ADAMTS17: variants seen among roughly 807,000 people sequenced by gnomAD.
ADAMTS17 encodes the protein A disintegrin and metalloproteinase with thrombospondin motifs 17.
In ADAMTS17, 113 loss-of-function variants were observed where a neutral mutation model predicts 141.5. The ratio of observed to expected loss-of-function variants is 0.80; its 90% confidence interval spans 0.69 to 0.93. The LOEUF (loss-of-function observed/expected upper bound fraction) is 0.93, where lower values mean the gene tolerates loss of function less well. ADAMTS17 is among the 40% of genes least tolerant of loss of function. The pLI is 0.00. For synonymous variants in ADAMTS17, 768 were observed against 630.6 expected, an observed-to-expected ratio of 1.22 and a Z score of -3.27; for missense variants, 1,659 against 1,517.9, an observed-to-expected ratio of 1.09 and a Z score of -1.54.
intron 18 of ADAMTS17, among the ~76,000 whole-genome samples, chr15:100,001,572 G>A (rs1328873328): frequency 2.0e-5 from 3 of 152,130 alleles, no homozygotes; most frequent in Non-Finnish European, 2.9e-5. Flanking sequence ...GGTAACGAAT[G>A]TAGCACTCTG....
rs76477914 is a variant in ADAMTS17, at chr15:100,229,123, A to G, written c.1075+25013T>C. 6.0e-4 allele frequency among the ~76,000 whole-genome samples: 91 copies of G among 152,238 alleles called. 2 individuals carry two copies. The East Asian group carries it at 0.017, about 29-fold the overall frequency. On this transcript the variant is annotated intron_variant, in intron 7 of 21. Coordinates refer to ENST00000268070, the MANE Select transcript of ADAMTS17 (RefSeq NM_139057.4). ...TGGGAGGGGAAGATGGTTCTTATGG[A>G]GTATCCCTGAAGACCCCAACAGAGT...
intron 3 of ADAMTS17, among the ~76,000 whole-genome samples, chr15:100,324,318 A>T (rs2141922322): frequency 6.6e-6 from 1 of 152,310 alleles, no homozygotes; most frequent in East Asian, 1.9e-4. Context: ...TAAATAAATA[A>T]ATAGAAAAAA....
At chr15:100,131,920 A>T (rs1311446689) in intron 12 of ADAMTS17, 87 bp downstream of exon 12, 11 of 1,596,990 alleles carry the variant, frequency 6.9e-6, no homozygotes, top group Non-Finnish European at 9.4e-6. Flanking sequence ...AGCGGGAGAC[A>T]GACCCTGCTT....
chr15:100,136,576 G>A (rs2038344841), intron 10 of ADAMTS17, among the ~76,000 whole-genome samples: 2 of 152,212 alleles, frequency 1.3e-5, no homozygotes, highest in African/African-American at 4.8e-5. Context: ...CCTCATGGCA[G>A]CCCTGGGAGG....
chr15:100,247,607 T>C (rs1411503246), intron 7 of ADAMTS17, among the ~76,000 whole-genome samples: 1 of 152,184 alleles, frequency 6.6e-6, no homozygotes, highest in Non-Finnish European at 1.5e-5. Context: ...CCCGTTTTCA[T>C]ATGTTTGTGT....
chr15:100,108,823 G>C (rs1290331651), intron 14 of ADAMTS17, among the ~76,000 whole-genome samples, 166 bp downstream of exon 14: 2 of 152,162 alleles, frequency 1.3e-5, no homozygotes, highest in African/African-American at 4.8e-5. Context: ...GCTAGGGTTG[G>C]TGCACCAGGC....
chr15:100,326,171 G>C (rs1340777359), intron 3 of ADAMTS17, among the ~76,000 whole-genome samples: 1 of 152,054 alleles, frequency 6.6e-6, no homozygotes, highest in East Asian at 1.9e-4. Flanking sequence ...TTAAACTATT[G>C]ATGTCTACTT....
At chr15:100,062,898 C>A (rs919928925) in intron 15 of ADAMTS17, among the ~76,000 whole-genome samples, 2 of 152,144 alleles carry the variant, frequency 1.3e-5, no homozygotes, top group African/African-American at 2.4e-5. Context: ...ATGTTCCAAG[C>A]CAGGAAGGTA....
At chr15:99,980,342 A>G (rs1006672762) in intron 20 of ADAMTS17, 1 of 152,224 alleles carries the variant, frequency 6.6e-6, no homozygotes, top group African/African-American at 2.4e-5. Context: ...AACTAAAAAC[A>G]GAGAGATACA....
intron 10 of ADAMTS17, among the ~76,000 whole-genome samples, chr15:100,140,892 A>C (rs1171633723): frequency 6.6e-6 from 1 of 152,034 alleles, no homozygotes; most frequent in African/African-American, 2.4e-5. Context: ...TTCTCCCTGG[A>C]AACACTGCTG....
At chr15:100,307,964 C>A (rs2045281094) in intron 3 of ADAMTS17, among the ~76,000 whole-genome samples, 1 of 152,246 alleles carries the variant, frequency 6.6e-6, no homozygotes, top group Non-Finnish European at 1.5e-5. Context: ...CAAAATTCAA[C>A]CTACGAGTAC....
intron 5 of ADAMTS17, 100 bp from the exon 6 acceptor site, chr15:100,261,736 C>T: frequency 7.4e-7 from 1 of 1,349,268 alleles, no homozygotes; most frequent in Non-Finnish European, 1.0e-6. Flanking sequence ...CAGTCACTCA[C>T]TGAGACATCA....
chr15:100,281,115 C>T, intron 4 of ADAMTS17, 114 bp downstream of exon 4: 4 of 1,448,788 alleles, frequency 2.8e-6, no homozygotes, highest in Non-Finnish European at 1.9e-6. Flanking sequence ...GTTCCCGTAT[C>T]CCCAACCCAG....
intron 3 of ADAMTS17, among the ~76,000 whole-genome samples, chr15:100,324,147 G>A (rs1475073661): frequency 6.6e-6 from 1 of 151,972 alleles, no homozygotes; most frequent in Non-Finnish European, 1.5e-5. Flanking sequence ...TCTACTAAAA[G>A]TACAGAAATC....
In ADAMTS17 at chr15:99,973,963, C is replaced by G; in HGVS notation, c.*439G>C. The G allele has an allele frequency of 3.9e-6, 1 of 257,030 alleles. No individual in the cohort carries two copies. The highest frequency in any genetic ancestry group is 5.4e-5 in the Admixed American group (1 of 18,398). The allele number at this position is 257,030 out of a possible 1,614,324, so 15.9% of individuals were successfully genotyped here. A position where few individuals can be genotyped will look rare whatever the true frequency, so the allele number is the denominator to read the frequency against. On this transcript the variant is annotated 3_prime_UTR_variant, in exon 22 of 22. Transcript: ENST00000268070. ...GGGCAGAGGCTCACCAACACCTGCC[C>G]CTCCCTCCATGGTGTCGCCGGCTTT... is the stretch of plus-strand genomic sequence containing the variant.
At chr15:100,335,701 T>A (rs903562979) in intron 2 of ADAMTS17, among the ~76,000 whole-genome samples, 1 of 152,262 alleles carries the variant, frequency 6.6e-6, no homozygotes, top group African/African-American at 2.4e-5. Flanking sequence ...TGCCTTAATG[T>A]GCCAGGCTCT....
Position 100,193,852 on chromosome 15 carries a change from C to T in ADAMTS17, c.1181+5466G>A, listed in dbSNP as rs559585885. Among the ~76,000 whole-genome samples the T allele has an allele frequency of 5.3e-5, 8 of 152,238 alleles. No individual in the cohort carries two copies. The South Asian group carries it at 6.2e-4, about 12-fold the overall frequency. ...GGGTGCAGGGACGGCAGGGGAAACC[C>T]GAGGAGGGGCAGGTCTGGAGAAGCT... On this transcript the variant is annotated intron_variant, in intron 8 of 21. Transcript: ENST00000268070.
At chr15:100,183,429 C>G (rs1466341308) in intron 8 of ADAMTS17, among the ~76,000 whole-genome samples, 3 of 152,208 alleles carry the variant, frequency 2.0e-5, no homozygotes, top group Non-Finnish European at 2.9e-5. Flanking sequence ...TCCACTCTAT[C>G]TAAATTCCAT....
At chr15:100,135,450 AT>A (rs1376848532) in intron 10 of ADAMTS17, among the ~76,000 whole-genome samples, 3 of 151,838 alleles carry the variant, frequency 2.0e-5, no homozygotes, top group Admixed American at 2.0e-4. Flanking sequence ...CACCCGGCTA[AT>A]TTTTTGTATT....
Sources: allele counts gnomAD v4.1 joint callset (sites outside exome capture counted in the v4.1 genomes callset), GRCh38; gene constraint gnomAD v4.1.1; transcripts MANE v1.5; gene names NCBI Gene and HGNC (gene_info 2026-07-23, HGNC 2026-07-21).